NHSL1: variants seen among roughly 807,000 people sequenced by gnomAD.
NHSL1 encodes NHS like 1.
NHSL1 carries 48 observed loss-of-function variants against 95.0 expected under a neutral mutation model. The observed-to-expected ratio is 0.51, with a 90% CI of 0.40 to 0.64. The LOEUF (loss-of-function observed/expected upper bound fraction) is 0.64, where lower values mean the gene tolerates loss of function less well. NHSL1 is among the 30% of genes least tolerant of loss of function. The probability of loss-of-function intolerance (pLI) is 0.00; values close to 1 mark genes in which losing one functional copy is unlikely to be tolerated. For synonymous variants in NHSL1, 783 were observed against 833.9 expected, an observed-to-expected ratio of 0.94 and a Z score of 1.05; for missense variants, 1,971 against 2,077.7, an observed-to-expected ratio of 0.95 and a Z score of 1.00.
rs1446716492 is a variant in NHSL1 at position 138,692,548 on chromosome 6, C to T, written c.25G>A (p.Ala9Thr). The change falls in exon 1 of 4, where the codon GCC becomes ACC. Residue 9 changes from alanine (A) to threonine (T), a missense_variant. Ala to Thr is a moderately conservative substitution (Grantham distance 58). Transcript: ENST00000491526. This position sits in a 1 kb window ranked among gnomAD's most constrained non-coding sequence, Gnocchi z 4.0. ...GCGTCGAGGCGGCGGTGCAGCGCGG[C>T]GGTGCGGTGGCCCAGCGCGGCCGCC... 4.9e-6 allele frequency: 1 copy of T among 202,264 alleles called. No homozygotes were observed. Among genetic ancestry groups the T allele is most frequent in the Non-Finnish European group, 9.9e-6 (1 of 100,776 alleles). The allele number at this position is 202,264 out of a possible 1,614,324, so 12.5% of individuals were successfully genotyped here. A position where few individuals can be genotyped will look rare whatever the true frequency, so the allele number is the denominator to read the frequency against.
In NHSL1 at chr6:138,558,351, T is replaced by C. The variant is rs543240775; in HGVS notation, c.202+13359A>G. ...GTTAGCCAGGATGGTTTCGATCTCC[T>C]GACCTCGTGATCCACCTGCGTCAGC... On this transcript the variant is annotated intron_variant, in intron 1 of 6. Coordinates refer to the NHSL1 transcript ENST00000427025. Among the ~76,000 whole-genome samples, 120 of 151,904 alleles carry C rather than the reference T, an allele frequency of 7.9e-4. 1 individual carries two copies. The highest frequency in any genetic ancestry group is 2.7e-3 in the African/African-American group (110 of 41,414).
At chr6:138,570,993 G>A (rs1461342191) in intron 1 of NHSL1, among the ~76,000 whole-genome samples, 17 of 152,212 alleles carry the variant, frequency 1.1e-4, no homozygotes, top group Non-Finnish European at 4.4e-5. Flanking sequence ...ATAGGGGTGT[G>A]TTAAGAAATA....
intron 4 of NHSL1, among the ~76,000 whole-genome samples, chr6:138,443,744 C>A (rs527717928): frequency 1.3e-5 from 2 of 152,148 alleles, no homozygotes; most frequent in South Asian, 4.1e-4. Context: ...GTGGAAGGAT[C>A]GCTTGAGCCT....
intron 1 of NHSL1, among the ~76,000 whole-genome samples, chr6:138,537,446 C>T (rs1300180892): frequency 6.6e-6 from 1 of 152,192 alleles, no homozygotes. Context: ...ATACATCTGC[C>T]TTTCTCACTA....
chr6:138,633,106 G>A (rs1222951435), intron 1 of NHSL1, among the ~76,000 whole-genome samples: 1 of 152,048 alleles, frequency 6.6e-6, no homozygotes, highest in Non-Finnish European at 1.5e-5. Context: ...AACTGATCAA[G>A]CAGAAAAAGG....
chr6:138,579,864 A>G (rs779622565), intron 1 of NHSL1, among the ~76,000 whole-genome samples: 1 of 152,230 alleles, frequency 6.6e-6, no homozygotes, highest in Non-Finnish European at 1.5e-5. Flanking sequence ...CTATGGCTCT[A>G]TAGTGCTTAC....
intron 1 of NHSL1, among the ~76,000 whole-genome samples, chr6:138,613,129 G>A (rs920546324): frequency 6.6e-6 from 1 of 152,296 alleles, no homozygotes; most frequent in South Asian, 2.1e-4. Flanking sequence ...GGTATGGAAC[G>A]CTGCCTCAAG....
chr6:138,430,636 A>T lies in NHSL1; in HGVS notation c.3709T>A (p.Ser1237Thr). 1 of 1,551,536 alleles carries T rather than the reference A, an allele frequency of 6.4e-7. No homozygotes were observed. Among genetic ancestry groups the T allele is most frequent in the Non-Finnish European group, 8.7e-7 (1 of 1,146,984 alleles). The change falls in exon 6 of 8, where the codon TCT (serine) becomes ACT (threonine). Residue 1237 changes from serine to threonine, a missense_variant. Physicochemically the swap from Ser to Thr is moderately conservative, Grantham distance 58. This residue lies in a region of NHSL1 where 1,602 missense variants were observed against 1,654.5 expected (regional missense o/e 0.97). Transcript: ENST00000343505. The surrounding 1 kb of genome is among the most constrained non-coding windows in gnomAD (Gnocchi z 4.7). Reference protein sequence around the residue: ...VPSPTTGEEGSVHSREAKESS... With the variant: ...VPSPTTGEEGTVHSREAKESS... ...TCTTTTGCCTCCCTGCTGTGCACAGAGCCCTCCTCTCCCGTCGTGGGGCTG... is the reference window on the plus strand; with the variant it reads ...TCTTTTGCCTCCCTGCTGTGCACAGTGCCCTCCTCTCCCGTCGTGGGGCTG...
chr6:138,464,715 CTT>C (rs1157342436), intron 3 of NHSL1, among the ~76,000 whole-genome samples: 13 of 118,942 alleles, frequency 1.1e-4, no homozygotes, highest in Admixed American at 2.0e-4. Flanking sequence ...TTTTTCTTTT[CTT>C]TTTTTTTTTT....
Position 138,496,205 on chromosome 6 carries a change from G to A in NHSL1, c.211+14C>T. On this transcript the variant is annotated intron_variant, in intron 2 of 7. Transcript: ENST00000343505. ...TAACCCAAGAAAATAAGCTCACAGA[G>A]GATGCCATCTTACCCCTCAGTACTG... 6.4e-7 allele frequency: 1 copy of A among 1,550,698 alleles called. No homozygotes were observed. The highest frequency in any genetic ancestry group is 8.7e-7 in the Non-Finnish European group (1 of 1,146,586).
chr6:138,657,972 A>C (rs969742764), intron 1 of NHSL1, among the ~76,000 whole-genome samples: 5 of 151,876 alleles, frequency 3.3e-5, no homozygotes, highest in African/African-American at 1.2e-4. Context: ...TAGTTTACGA[A>C]AGAATAAAAT....
chr6:138,649,183 A>T (rs1210636037), intron 1 of NHSL1, among the ~76,000 whole-genome samples: 1 of 152,038 alleles, frequency 6.6e-6, no homozygotes, highest in Non-Finnish European at 1.5e-5. Context: ...CAATCTTTTA[A>T]CCTTTCATCC....
chr6:138,430,622 C>T lies in NHSL1; in HGVS notation c.3723G>A (p.Arg1241=). ...GGGCTGCAGAACTCTCTTTTGCCTC[C>T]CTGCTGTGCACAGAGCCCTCCTCTC... is the stretch of plus-strand genomic sequence containing the variant. ...TTGEEGSVHS[R]EAKESSAAQA... is the part of the protein sequence containing the mutation. The change falls in exon 6 of 8, where the codon AGG becomes AGA. Residue 1241 remains arginine, a synonymous_variant. Transcript: ENST00000343505. This position sits in a 1 kb window ranked among gnomAD's most constrained non-coding sequence, Gnocchi z 4.7. The T allele has an allele frequency of 6.4e-7, 1 of 1,551,186 alleles. No homozygotes were observed.
chr6:138,448,527 C>G (rs6928718), intron 3 of NHSL1, among the ~76,000 whole-genome samples: 7,348 of 152,186 alleles, frequency 0.048, 567 homozygotes, highest in African/African-American at 0.16. Flanking sequence ...CCACATACCC[C>G]CAAACGAGGG....
intron 1 of NHSL1, among the ~76,000 whole-genome samples, chr6:138,655,589 G>T (rs1282628431): frequency 6.6e-6 from 1 of 152,092 alleles, no homozygotes; most frequent in East Asian, 1.9e-4. Flanking sequence ...AGAGAAAAAT[G>T]GATCACATTC....
chr6:138,427,397 G>A (rs1383638370), intron 7 of NHSL1, among the ~76,000 whole-genome samples: 3 of 151,228 alleles, frequency 2.0e-5, no homozygotes, highest in Non-Finnish European at 2.9e-5. Context: ...CCAAGATCGC[G>A]CCACTGCACT....
At chr6:138,471,107 C>T (rs1291526947) in intron 3 of NHSL1, among the ~76,000 whole-genome samples, 15 of 152,108 alleles carry the variant, frequency 9.9e-5, no homozygotes, top group Non-Finnish European at 2.1e-4. Context: ...GCTTGGCCAT[C>T]GGGGTCCGTG....
At chr6:138,617,079 T>C (rs1422078669) in intron 1 of NHSL1, among the ~76,000 whole-genome samples, 2 of 152,160 alleles carry the variant, frequency 1.3e-5, no homozygotes, top group Admixed American at 1.3e-4. Context: ...CATAAAGCAA[T>C]AAGCAAATCA....
At chr6:138,630,766 T>G (rs1784808840) in intron 1 of NHSL1, among the ~76,000 whole-genome samples, 1 of 152,174 alleles carries the variant, frequency 6.6e-6, no homozygotes, top group Admixed American at 6.5e-5. Context: ...TTTGTCACTC[T>G]CTAAATATGC....
Sources: allele counts gnomAD v4.1 joint callset (sites outside exome capture counted in the v4.1 genomes callset), GRCh38; gene constraint gnomAD v4.1.1; regional missense constraint gnomAD v4.1.1; non-coding constraint Gnocchi (gnomAD v3.1); transcripts MANE v1.5; gene names NCBI Gene and HGNC (gene_info 2026-07-23, HGNC 2026-07-21).